GRIN2B: variants seen among roughly 807,000 people sequenced by gnomAD.
The protein encoded by GRIN2B is glutamate ionotropic receptor NMDA type subunit 2B, also known as glutamate receptor ionotropic, NMDA 2B.
In GRIN2B, 5 loss-of-function variants were observed where a neutral mutation model predicts 114.5. The observed-to-expected ratio is 0.04, with a 90% CI of 0.02 to 0.09. The LOEUF (loss-of-function observed/expected upper bound fraction) is 0.09, where lower values mean the gene tolerates loss of function less well. Ranked by LOEUF, GRIN2B falls within the 10% of genes least tolerant of loss-of-function variation. GRIN2B has a pLI of 1.00. For synonymous variants in GRIN2B, 787 were observed against 745.1 expected (o/e 1.06, Z -0.92); for missense variants, 1,108 against 1,943.5 (o/e 0.57, Z 8.08).
At chr12:13,870,352 G>A (rs962594664) in intron 2 of GRIN2B, among the ~76,000 whole-genome samples, 1 of 152,142 alleles carries the variant, frequency 6.6e-6, no homozygotes, top group Non-Finnish European at 1.5e-5. Context: ...AGCAGGATTA[G>A]AGAGTTGACT....
chr12:13,566,435 T>A (rs1280180896), intron 13 of GRIN2B, among the ~76,000 whole-genome samples: 1 of 152,172 alleles, frequency 6.6e-6, no homozygotes, highest in Non-Finnish European at 1.5e-5. Flanking sequence ...AGACTAGGAA[T>A]GAAGAGGAGA....
intron 3 of GRIN2B, among the ~76,000 whole-genome samples, chr12:13,849,413 A>G (rs913199529): frequency 6.6e-6 from 1 of 151,994 alleles, no homozygotes; most frequent in African/African-American, 2.4e-5. Context: ...GGTCCTGGGA[A>G]TTGTTGCACT....
At chr12:13,902,412 A>G (rs947088052) in intron 2 of GRIN2B, among the ~76,000 whole-genome samples, 1 of 152,162 alleles carries the variant, frequency 6.6e-6, no homozygotes, top group Non-Finnish European at 1.5e-5. Context: ...GCTTTACATT[A>G]TTTTTTGGTC....
At chr12:13,645,279 A>G (rs1429467153) in intron 5 of GRIN2B, among the ~76,000 whole-genome samples, 1 of 152,124 alleles carries the variant, frequency 6.6e-6, no homozygotes, top group South Asian at 2.1e-4. Flanking sequence ...GGAGAGGAAG[A>G]GAGATGGGAG....
At chr12:13,728,594 A>C (rs555322215) in intron 4 of GRIN2B, among the ~76,000 whole-genome samples, 2 of 152,278 alleles carry the variant, frequency 1.3e-5, no homozygotes, top group South Asian at 4.1e-4. Context: ...GGGAGATGGC[A>C]ATTCACACCC....
chr12:13,795,804 C>T (rs1591736160), intron 3 of GRIN2B, among the ~76,000 whole-genome samples: 1 of 152,028 alleles, frequency 6.6e-6, no homozygotes, highest in Non-Finnish European at 1.5e-5. Flanking sequence ...AAGCTGGAAA[C>T]CATCATTCTG....
In GRIN2B at chr12:13,788,830, G is replaced by C. The variant is rs191321772; in HGVS notation, c.412-34915C>G. Among the ~76,000 whole-genome samples, 18 of 152,290 alleles carry C rather than the reference G, an allele frequency of 1.2e-4. 1 individual carries two copies. In the Middle Eastern group the frequency reaches 0.01, roughly 86 times the overall value. On this transcript the variant is annotated intron_variant, in intron 3 of 13. Transcript: ENST00000609686. ...TAGAACTATCTTTGCTGCTAGGAGA[G>C]ACCACTTCCCTTTTTCTCCAAGGAA...
intron 4 of GRIN2B, among the ~76,000 whole-genome samples, chr12:13,752,385 A>G (rs1863497204): frequency 6.6e-6 from 1 of 152,240 alleles, no homozygotes; most frequent in Non-Finnish European, 1.5e-5. Context: ...ATGTCCATAT[A>G]AATGTACATG....
At chr12:13,933,029 T>C (rs755623939) in intron 2 of GRIN2B, among the ~76,000 whole-genome samples, 1 of 151,632 alleles carries the variant, frequency 6.6e-6, no homozygotes, top group Non-Finnish European at 1.5e-5. Context: ...CCACAGCTAC[T>C]GTTGGGCAGC....
At chr12:13,695,346 GC>G (rs1467027327) in intron 4 of GRIN2B, among the ~76,000 whole-genome samples, 36 of 152,176 alleles carry the variant, frequency 2.4e-4, no homozygotes, top group Non-Finnish European at 4.4e-4. Flanking sequence ...AGGCAGCAAA[GC>G]TGAGGAGAGG....
At chr12:13,624,368 G>A (rs1292341468) in intron 5 of GRIN2B, among the ~76,000 whole-genome samples, 1 of 152,126 alleles carries the variant, frequency 6.6e-6, no homozygotes, top group East Asian at 1.9e-4. Context: ...GATGTAAGAT[G>A]TAAAGCCTGC....
chr12:13,826,446 G>C (rs1865036743), intron 3 of GRIN2B, among the ~76,000 whole-genome samples: 1 of 152,052 alleles, frequency 6.6e-6, no homozygotes, highest in Non-Finnish European at 1.5e-5. Flanking sequence ...ACTCCAGCCT[G>C]GGCAACCAGT....
At chr12:13,682,095 ATAGAC>A (rs943295854) in intron 4 of GRIN2B, among the ~76,000 whole-genome samples, 4 of 152,298 alleles carry the variant, frequency 2.6e-5, no homozygotes, top group African/African-American at 9.6e-5. Flanking sequence ...TCTAGTTTAG[ATAGAC>A]TAAACAGAAA....
intron 3 of GRIN2B, among the ~76,000 whole-genome samples, chr12:13,856,267 C>T (rs1865659653): frequency 2.6e-5 from 4 of 152,266 alleles, no homozygotes; most frequent in South Asian, 2.1e-4. Context: ...GACATTGCTG[C>T]TCAAGGGCAG....
At chr12:13,773,310 C>T (rs1863941431) in intron 3 of GRIN2B, among the ~76,000 whole-genome samples, 1 of 152,146 alleles carries the variant, frequency 6.6e-6, no homozygotes, top group Non-Finnish European at 1.5e-5. Context: ...CACACACCTG[C>T]ACAATATTGA....
At chr12:13,716,841 A>C (rs1950459867) in intron 4 of GRIN2B, among the ~76,000 whole-genome samples, 1 of 151,926 alleles carries the variant, frequency 6.6e-6, no homozygotes, top group Non-Finnish European at 1.5e-5. Context: ...TTTGTGACTG[A>C]GAAAGTCCTT....
intron 4 of GRIN2B, among the ~76,000 whole-genome samples, chr12:13,749,888 A>C (rs1863452326): frequency 6.6e-6 from 1 of 152,214 alleles, no homozygotes; most frequent in African/African-American, 2.4e-5. Flanking sequence ...ATTACATTCA[A>C]GAACCAGAAG....
At chr12:13,848,635 G>C (rs2136724372) in intron 3 of GRIN2B, among the ~76,000 whole-genome samples, 1 of 152,256 alleles carries the variant, frequency 6.6e-6, no homozygotes, top group Middle Eastern at 3.4e-3. Context: ...GGAAGTTCCA[G>C]AAGCACACAA....
intron 2 of GRIN2B, among the ~76,000 whole-genome samples, chr12:13,932,544 A>G (rs1158089439): frequency 1.3e-5 from 2 of 152,212 alleles, no homozygotes; most frequent in Non-Finnish European, 2.9e-5. Context: ...GGTAGCCATC[A>G]CACCCAGTCA....
Sources: gnomAD v4.1 joint callset for allele counts (sites outside exome capture counted in the v4.1 genomes callset) on GRCh38, gnomAD v4.1.1 for gene constraint, MANE v1.5 for transcripts, NCBI Gene and HGNC (gene_info 2026-07-23, HGNC 2026-07-21) for gene names.